PDGFC: variants seen among roughly 807,000 people sequenced by gnomAD.
PDGFC encodes the protein platelet-derived growth factor C.
In PDGFC, 12 loss-of-function variants were observed where a neutral mutation model predicts 35.5. That is an observed-to-expected ratio of 0.34 (90% CI 0.22 to 0.55). The LOEUF (loss-of-function observed/expected upper bound fraction) is 0.55, where lower values mean the gene tolerates loss of function less well. PDGFC is among the 20% of genes least tolerant of loss of function. PDGFC has a pLI of 0.91. For missense variants in PDGFC, 322 were observed against 412.4 expected, an observed-to-expected ratio of 0.78 and a Z score of 1.90; for synonymous variants, 159 against 148.8, an observed-to-expected ratio of 1.07 and a Z score of -0.50.
chr4:156,831,971 C>T (rs1485934251), intron 2 of PDGFC, among the ~76,000 whole-genome samples: 1 of 152,032 alleles, frequency 6.6e-6, no homozygotes, highest in East Asian at 1.9e-4. Context: ...GGTTTTAATT[C>T]CATGGTCTAT....
At chr4:156,910,402 A>G (rs758067241) in intron 1 of PDGFC, among the ~76,000 whole-genome samples, 1 of 152,086 alleles carries the variant, frequency 6.6e-6, no homozygotes, top group Non-Finnish European at 1.5e-5. Context: ...GCAGTATTCC[A>G]CTGCACAAAG....
intron 3 of PDGFC, among the ~76,000 whole-genome samples, chr4:156,783,203 G>T (rs561077185): frequency 6.6e-6 from 1 of 152,274 alleles, no homozygotes; most frequent in East Asian, 1.9e-4. Context: ...CTATTAGGGG[G>T]AGAGTAGATG....
At chr4:156,822,817 C>G (rs1480945856) in intron 2 of PDGFC, among the ~76,000 whole-genome samples, 2 of 151,904 alleles carry the variant, frequency 1.3e-5, no homozygotes, top group Non-Finnish European at 2.9e-5. Flanking sequence ...GCTGGAGTGC[C>G]ATGGTGCGAT....
chr4:156,966,529 G>T (rs978470212), intron 1 of PDGFC, among the ~76,000 whole-genome samples: 6 of 150,832 alleles, frequency 4.0e-5, no homozygotes, highest in African/African-American at 1.5e-4. Context: ...TTAGAATTTT[G>T]TTTCCACAAA....
intron 1 of PDGFC, among the ~76,000 whole-genome samples, chr4:156,938,810 AT>A: frequency 6.6e-6 from 1 of 151,692 alleles, no homozygotes; most frequent in South Asian, 2.1e-4. Flanking sequence ...TACTAATATA[AT>A]AGCACAACAA....
chr4:156,922,291 G>C (rs2110845681), intron 1 of PDGFC, among the ~76,000 whole-genome samples: 1 of 152,148 alleles, frequency 6.6e-6, no homozygotes. Context: ...GGGAAGGACA[G>C]AATCTTTTGT....
intron 1 of PDGFC, among the ~76,000 whole-genome samples, chr4:156,946,791 G>A (rs1731959084): frequency 6.6e-6 from 1 of 152,006 alleles, no homozygotes; most frequent in South Asian, 2.1e-4. Context: ...AGAGGGCTAG[G>A]CAACACAGTA....
intron 3 of PDGFC, among the ~76,000 whole-genome samples, chr4:156,804,219 C>G (rs113862443): frequency 0.064 from 9,625 of 150,752 alleles, 399 homozygotes; most frequent in Middle Eastern, 0.11. Context: ...AATAAATAAA[C>G]AAATAAATAA....
intron 1 of PDGFC, among the ~76,000 whole-genome samples, chr4:156,857,097 C>A: frequency 6.7e-6 from 1 of 148,668 alleles, no homozygotes; most frequent in Non-Finnish European, 1.5e-5. Context: ...TTTTGATAAA[C>A]TGGAGATAAT....
At chr4:156,784,069 G>A (rs761928249) in intron 3 of PDGFC, among the ~76,000 whole-genome samples, 3 of 152,262 alleles carry the variant, frequency 2.0e-5, no homozygotes, top group East Asian at 1.9e-4. Context: ...GTATTGACAC[G>A]CATATATCCA....
chr4:156,862,981 C>T (rs770663590), intron 1 of PDGFC, among the ~76,000 whole-genome samples: 2 of 152,118 alleles, frequency 1.3e-5, no homozygotes, highest in African/African-American at 2.4e-5. Flanking sequence ...GCCTGAGCCA[C>T]CACAACCGGC....
chr4:156,957,347 C>T (rs991807041), intron 1 of PDGFC, among the ~76,000 whole-genome samples: 1 of 151,950 alleles, frequency 6.6e-6, no homozygotes, highest in African/African-American at 2.4e-5. Context: ...ACTCCATGTC[C>T]ATTCTTCTAC....
At chr4:156,967,231 G>A (rs112417325) in intron 1 of PDGFC, 3 of 152,188 alleles carry the variant, frequency 2.0e-5, no homozygotes, top group African/African-American at 7.2e-5. Context: ...AAATGATGGC[G>A]AGGGGACTGG....
chr4:156,858,120 T>C (rs185323200), intron 1 of PDGFC, among the ~76,000 whole-genome samples: 22 of 152,224 alleles, frequency 1.4e-4, no homozygotes, highest in Admixed American at 1.2e-3. Flanking sequence ...ATTATTATTA[T>C]GCGTGCCACT....
At chr4:156,899,270 T>C (rs1290649844) in intron 1 of PDGFC, among the ~76,000 whole-genome samples, 2 of 152,202 alleles carry the variant, frequency 1.3e-5, no homozygotes, top group Non-Finnish European at 2.9e-5. Context: ...CAAGTAATCA[T>C]GTGAAGTGTA....
intron 3 of PDGFC, among the ~76,000 whole-genome samples, chr4:156,788,399 A>T (rs950256267): frequency 6.6e-6 from 1 of 152,234 alleles, no homozygotes; most frequent in Non-Finnish European, 1.5e-5. Flanking sequence ...TCGGTATTTT[A>T]GAAATTTTTG....
chr4:156,805,997 T>C (rs1172735996), intron 3 of PDGFC, among the ~76,000 whole-genome samples: 3 of 152,004 alleles, frequency 2.0e-5, no homozygotes, highest in Non-Finnish European at 2.9e-5. Flanking sequence ...AAAATCACCA[T>C]TAAGAAAAAC....
chr4:156,941,259 C>T (rs1362340436), intron 1 of PDGFC, among the ~76,000 whole-genome samples: 1 of 152,048 alleles, frequency 6.6e-6, no homozygotes, highest in African/African-American at 2.4e-5. Context: ...TCTTCAATAA[C>T]GTATACAGTT....
intron 3 of PDGFC, among the ~76,000 whole-genome samples, chr4:156,798,680 T>C (rs1731514420): frequency 6.6e-6 from 1 of 152,216 alleles, no homozygotes; most frequent in Non-Finnish European, 1.5e-5. Context: ...GGATGTGTCA[T>C]ATATTTTAAT....
Sources: gnomAD v4.1 joint callset for allele counts (sites outside exome capture counted in the v4.1 genomes callset) on GRCh38, gnomAD v4.1.1 for gene constraint, MANE v1.5 for transcripts, NCBI Gene and HGNC (gene_info 2026-07-23, HGNC 2026-07-21) for gene names.